Variants in ROPN1L observed in about 807,000 individuals in gnomAD.
ROPN1L encodes ropporin-1-like protein.
Under a neutral mutation model 22.7 loss-of-function variants are expected in ROPN1L, and 23 were observed. The ratio of observed to expected loss-of-function variants is 1.01; its 90% CI spans 0.73 to 1.43. The LOEUF (loss-of-function observed/expected upper bound fraction) is 1.43, where lower values mean the gene tolerates loss of function less well. Ranked by LOEUF, ROPN1L falls within the 40% of genes most tolerant of loss-of-function variation. The probability of loss-of-function intolerance (pLI) is 0.00; values close to 1 mark genes in which losing one functional copy is unlikely to be tolerated. For synonymous variants in ROPN1L, 116 were observed against 117.8 expected, an observed-to-expected ratio of 0.98 and a Z score of 0.10; for missense variants, 271 against 291.5, an observed-to-expected ratio of 0.93 and a Z score of 0.51.
intron 1 of ROPN1L, among the ~76,000 whole-genome samples, chr5:10,445,897 T>A (rs540549471): frequency 6.6e-6 from 1 of 152,286 alleles, no homozygotes; most frequent in South Asian, 2.1e-4. Context: ...TACTCCAGCC[T>A]GGGTGACAGA....
chr5:10,468,103 T>C (rs779895343), downstream of ROPN1L, among the ~76,000 whole-genome samples: 2 of 152,244 alleles, frequency 1.3e-5, no homozygotes, highest in African/African-American at 2.4e-5. Context: ...CTTCGTCTGG[T>C]TCCTGGTCAC....
chr5:10,444,249 G>T (rs549043952), intron 1 of ROPN1L, among the ~76,000 whole-genome samples: 3 of 152,116 alleles, frequency 2.0e-5, no homozygotes, highest in Non-Finnish European at 4.4e-5. Context: ...ACTATATTTA[G>T]TAATACCTTA....
rs191206648 is a variant in ROPN1L, at chr5:10,457,212, C to G, written c.418-3972C>G. Among the ~76,000 whole-genome samples, 25 of 152,288 alleles carry G rather than the reference C, an allele frequency of 1.6e-4. 1 individual carries two copies. In the East Asian group the frequency reaches 3.1e-3, roughly 19 times the overall value. On this transcript the variant is annotated intron_variant, in intron 3 of 4. Coordinates refer to ENST00000274134, the MANE Select transcript of ROPN1L (RefSeq NM_031916.5). ...GTTGCCCTGGGAGCTGCACTCACCC[C>G]CTAACCGTGCCGTCCACCTCGGCAG... is the stretch of plus-strand genomic sequence containing the variant.
chr5:10,471,737 A>T (rs1430316973), intron 4 of ROPN1L: 1 of 152,492 alleles, frequency 6.6e-6, no homozygotes, highest in African/African-American at 2.4e-5. Context: ...CACCCCCCAC[A>T]TCCCCCCAGG....
At chr5:10,451,140 C>G (rs1189492319) in intron 3 of ROPN1L, among the ~76,000 whole-genome samples, 2 of 152,372 alleles carry the variant, frequency 1.3e-5, no homozygotes, top group Admixed American at 6.5e-5. Context: ...GATTTTCCCC[C>G]CTCCCTTCAG....
chr5:10,482,294 C>G, the ROPN1L span: 1 of 150,392 alleles, frequency 6.6e-6, no homozygotes, highest in Admixed American at 6.6e-5. Flanking sequence ...AAAATCAAAA[C>G]AAAACAAAAC....
chr5:10,448,528 G>T, intron 2 of ROPN1L, 145 bp downstream of exon 2: 1 of 906,748 alleles, frequency 1.1e-6, no homozygotes, highest in South Asian at 1.9e-5. Flanking sequence ...TCCCTGCCAC[G>T]CATCGTCAAG....
intron 2 of ROPN1L, 132 bp from the exon 3 acceptor site, chr5:10,449,820 C>A: frequency 3.0e-6 from 2 of 677,342 alleles, no homozygotes; most frequent in Non-Finnish European, 4.8e-6. Flanking sequence ...ACAGAACCCC[C>A]TGTCATGCAT....
At chr5:10,444,621 T>C (rs886773980) in intron 1 of ROPN1L, among the ~76,000 whole-genome samples, 9 of 151,088 alleles carry the variant, frequency 6.0e-5, no homozygotes, top group African/African-American at 2.2e-4. Context: ...TTAATCAGGC[T>C]GGGCATGGTG....
chr5:10,454,361 A>G (rs1478606318), intron 3 of ROPN1L, among the ~76,000 whole-genome samples: 1 of 152,198 alleles, frequency 6.6e-6, no homozygotes, highest in South Asian at 2.1e-4. Flanking sequence ...GAGCTCAAGC[A>G]GTCCTCTTGT....
chr5:10,475,514 A>G (rs2126487019), downstream of ROPN1L, among the ~76,000 whole-genome samples: 1 of 152,356 alleles, frequency 6.6e-6, no homozygotes, highest in South Asian at 2.1e-4. Context: ...GCACCAGGTG[A>G]TAATTTCAGA....
At chr5:10,443,877 G>A (rs555340140) in intron 1 of ROPN1L, among the ~76,000 whole-genome samples, 22 of 152,180 alleles carry the variant, frequency 1.4e-4, no homozygotes, top group Non-Finnish European at 2.8e-4. Context: ...CTTCTTCCAA[G>A]GACACTGGTG....
chr5:10,460,406 G>A (rs949218943), intron 3 of ROPN1L, among the ~76,000 whole-genome samples: 6 of 152,226 alleles, frequency 3.9e-5, no homozygotes, highest in Admixed American at 2.6e-4. Flanking sequence ...TCATGAAGAC[G>A]ACCTTGGCCT....
rs2967952 is a variant in ROPN1L, at chr5:10,462,103, G to A, written c.593+744G>A. 1.2e-4 allele frequency among the ~76,000 whole-genome samples: 19 copies of A among 152,288 alleles called. No homozygotes were observed. In the East Asian group the frequency reaches 2.5e-3, roughly 20 times the overall value. ...CATCAGCCCCTCTCCCCACCTCCAA[G>A]GTTGGGCTGGGCTGAAAGTCCCACC... On this transcript the variant is annotated intron_variant, in intron 4 of 4. Coordinates refer to ENST00000274134, the MANE Select transcript of ROPN1L (RefSeq NM_031916.5).
At chr5:10,477,343 G>A in the ROPN1L span, among the ~76,000 whole-genome samples, 1 of 152,194 alleles carries the variant, frequency 6.6e-6, no homozygotes, top group Non-Finnish European at 1.5e-5. Context: ...CCACGGACTT[G>A]CTAGTCCACA....
downstream of ROPN1L, among the ~76,000 whole-genome samples, chr5:10,466,959 C>G (rs1735165535): frequency 6.6e-6 from 1 of 152,198 alleles, no homozygotes; most frequent in Non-Finnish European, 1.5e-5. Flanking sequence ...CCTTGTGCCT[C>G]TCCGTGTCCT....
intron 4 of ROPN1L, among the ~76,000 whole-genome samples, chr5:10,463,305 G>T (rs558308620): frequency 6.6e-6 from 1 of 152,352 alleles, no homozygotes; most frequent in South Asian, 2.1e-4. Flanking sequence ...TCCTGCGGAA[G>T]TTCTCATTTG....
chr5:10,445,164 G>T (rs540375488), intron 1 of ROPN1L, among the ~76,000 whole-genome samples: 1 of 152,114 alleles, frequency 6.6e-6, no homozygotes, highest in African/African-American at 2.4e-5. Context: ...AGAGACGGGG[G>T]TTTCACCATG....
intron 1 of ROPN1L, among the ~76,000 whole-genome samples, chr5:10,444,423 T>C (rs1740989326): frequency 6.6e-6 from 1 of 152,042 alleles, no homozygotes; most frequent in African/African-American, 2.4e-5. Context: ...CCCAAGTAAC[T>C]GGGATTACAG....
Sources: gnomAD v4.1 joint callset for allele counts (sites outside exome capture counted in the v4.1 genomes callset) on GRCh38, gnomAD v4.1.1 for gene constraint, MANE v1.5 for transcripts, NCBI Gene and HGNC (gene_info 2026-07-23, HGNC 2026-07-21) for gene names.